Variants in ANKS1B observed in about 807,000 individuals in gnomAD.
ANKS1B encodes ankyrin repeat and sterile alpha motif domain-containing protein 1B.
Under a neutral mutation model 148.3 loss-of-function variants are expected in ANKS1B, and 36 were observed. The observed-to-expected ratio is 0.24, with a 90% CI of 0.19 to 0.32. The LOEUF is 0.32. Among genes scored for constraint, ANKS1B ranks in the 10% least tolerant of loss-of-function variants. The probability of loss-of-function intolerance (pLI) is 1.00; values close to 1 mark genes in which losing one functional copy is unlikely to be tolerated. For synonymous variants in ANKS1B, 542 were observed against 560.8 expected, an observed-to-expected ratio of 0.97 and a Z score of 0.47; for missense variants, 1,157 against 1,542.6, an observed-to-expected ratio of 0.75 and a Z score of 4.19.
rs568618697 is a variant in ANKS1B at position 98,963,577 on chromosome 12, G to A, written c.2778+89580C>T. ...ATGAAACTATTAAAAGCAAACATTG[G>A]GAAAACTCTCCAGGCAAGTGATTTC... On this transcript the variant is annotated intron_variant, in intron 17 of 26. Transcript: ENST00000683438. 5.3e-5 allele frequency among the ~76,000 whole-genome samples: 8 copies of A among 152,170 alleles called. No individual in the cohort carries two copies. The East Asian group carries it at 1.3e-3, about 26-fold the overall frequency.
chr12:99,879,798 C>A (rs1175480358), intron 1 of ANKS1B, among the ~76,000 whole-genome samples: 1 of 152,054 alleles, frequency 6.6e-6, no homozygotes, highest in Non-Finnish European at 1.5e-5. Context: ...CTTTTTCTGC[C>A]ATTTTGAAAC....
chr12:99,683,031 G>C (rs1396199647), intron 8 of ANKS1B, among the ~76,000 whole-genome samples: 1 of 152,182 alleles, frequency 6.6e-6, no homozygotes, highest in African/African-American at 2.4e-5. Context: ...GCAGACATGA[G>C]AGAAAGAGAA....
chr12:99,089,221 G>A (rs754163734), intron 15 of ANKS1B, among the ~76,000 whole-genome samples: 11 of 150,962 alleles, frequency 7.3e-5, no homozygotes, highest in Admixed American at 4.0e-4. Context: ...GCAGAGCTCC[G>A]TCATGTCCAT....
chr12:99,702,551 T>C (rs1485273507), intron 8 of ANKS1B, among the ~76,000 whole-genome samples: 1 of 152,082 alleles, frequency 6.6e-6, no homozygotes, highest in Non-Finnish European at 1.5e-5. Flanking sequence ...TGATTGCCTT[T>C]TTTTTATTTG....
intron 1 of ANKS1B, among the ~76,000 whole-genome samples, chr12:99,910,516 A>G (rs540584576): frequency 6.6e-6 from 1 of 152,340 alleles, no homozygotes; most frequent in Non-Finnish European, 1.5e-5. Context: ...CTATTGAAAC[A>G]GAAAGTAGAT....
At chr12:98,961,189 C>G (rs1429938898) in intron 17 of ANKS1B, among the ~76,000 whole-genome samples, 1 of 152,100 alleles carries the variant, frequency 6.6e-6, no homozygotes, top group Non-Finnish European at 1.5e-5. Context: ...CCAAATAAGA[C>G]TACCTCAAGA....
At chr12:99,660,976 G>C (rs2098474607) in intron 8 of ANKS1B, among the ~76,000 whole-genome samples, 1 of 151,950 alleles carries the variant, frequency 6.6e-6, no homozygotes, top group South Asian at 2.1e-4. Context: ...GATAGAGCCA[G>C]TGCCCTTATA....
At chr12:99,193,352 G>A (rs1241589776) in intron 14 of ANKS1B, among the ~76,000 whole-genome samples, 1 of 152,076 alleles carries the variant, frequency 6.6e-6, no homozygotes, top group African/African-American at 2.4e-5. Flanking sequence ...CACCACACAG[G>A]TCCTACCCTA....
chr12:99,325,139 A>G (rs1340879285), intron 12 of ANKS1B, among the ~76,000 whole-genome samples: 1 of 152,154 alleles, frequency 6.6e-6, no homozygotes, highest in African/African-American at 2.4e-5. Flanking sequence ...TTCATAGAAA[A>G]TGCATATTAT....
chr12:98,952,971 G>A (rs1488556602), intron 17 of ANKS1B, among the ~76,000 whole-genome samples: 1 of 151,718 alleles, frequency 6.6e-6, no homozygotes, highest in African/African-American at 2.4e-5. Flanking sequence ...TGATCCTCCT[G>A]CCTCAGCCTC....
chr12:99,671,685 A>C (rs1299532936), intron 8 of ANKS1B, among the ~76,000 whole-genome samples: 1 of 152,160 alleles, frequency 6.6e-6, no homozygotes, highest in Admixed American at 6.6e-5. Flanking sequence ...ATTGAAAATA[A>C]AATGAATATA....
At chr12:99,390,492 G>A (rs1041834429) in intron 12 of ANKS1B, among the ~76,000 whole-genome samples, 2 of 152,158 alleles carry the variant, frequency 1.3e-5, no homozygotes, top group South Asian at 2.1e-4. Flanking sequence ...ATTTCAAAAC[G>A]GAAAAGGCTG....
chr12:99,453,132 T>C (rs1035049930), intron 10 of ANKS1B, among the ~76,000 whole-genome samples: 8 of 151,784 alleles, frequency 5.3e-5, no homozygotes, highest in African/African-American at 1.9e-4. Flanking sequence ...CTACTAAAAA[T>C]ACAAAAAATT....
chr12:99,688,340 A>G (rs1262348111), intron 8 of ANKS1B, among the ~76,000 whole-genome samples: 1 of 152,216 alleles, frequency 6.6e-6, no homozygotes, highest in African/African-American at 2.4e-5. Flanking sequence ...CTTCAAACAC[A>G]TAGGTGGGTA....
At chr12:99,685,601 G>A (rs780292138) in intron 8 of ANKS1B, among the ~76,000 whole-genome samples, 1 of 152,042 alleles carries the variant, frequency 6.6e-6, no homozygotes, top group African/African-American at 2.4e-5. Context: ...TGAAAAAGAA[G>A]TCATTATATG....
chr12:99,130,617 T>C (rs2065823509), intron 15 of ANKS1B, among the ~76,000 whole-genome samples: 1 of 152,128 alleles, frequency 6.6e-6, no homozygotes, highest in East Asian at 1.9e-4. Context: ...TATAGTGCCA[T>C]CAAAGTCAGA....
At chr12:99,513,369 C>T (rs11109884) in intron 9 of ANKS1B, among the ~76,000 whole-genome samples, 13,632 of 151,968 alleles carry the variant, frequency 0.09, 2,025 homozygotes, top group African/African-American at 0.31. Context: ...TGGTTGAAAC[C>T]AAACTCACAA....
chr12:99,714,991 T>C (rs1056543986), intron 8 of ANKS1B, among the ~76,000 whole-genome samples: 24 of 149,208 alleles, frequency 1.6e-4, no homozygotes, highest in Non-Finnish European at 2.4e-4. Flanking sequence ...TAGCTGGGCA[T>C]GGTGGCAGGT....
chr12:99,149,239 G>A (rs1172597017), intron 15 of ANKS1B, among the ~76,000 whole-genome samples: 1 of 152,130 alleles, frequency 6.6e-6, no homozygotes, highest in Non-Finnish European at 1.5e-5. Flanking sequence ...GTGGAAAAGA[G>A]ATGTAAGTCC....
Sources: gnomAD v4.1 joint callset for allele counts (sites outside exome capture counted in the v4.1 genomes callset) on GRCh38, gnomAD v4.1.1 for gene constraint, MANE v1.5 for transcripts, NCBI Gene and HGNC (gene_info 2026-07-23, HGNC 2026-07-21) for gene names.